The following SPTAN1 variants were observed in gnomAD, a reference collection of about 807,000 sequenced individuals.
SPTAN1 encodes spectrin alpha, non-erythrocytic 1.
A neutral mutation model predicts 331.3 loss-of-function variants in SPTAN1; 61 were observed. That is an observed-to-expected ratio of 0.18 (90% CI 0.15 to 0.23). SPTAN1 has a LOEUF of 0.23. Among genes scored for constraint, SPTAN1 ranks in the 10% least tolerant of loss-of-function variants. SPTAN1 has a pLI of 1.00. For missense variants in SPTAN1, 2,043 were observed against 3,147.9 expected (o/e 0.65, Z 8.40); for synonymous variants, 1,153 against 1,173.9 (o/e 0.98, Z 0.36).
At chr9:128,568,713 G>T (rs771016112) in intron 2 of SPTAN1, 59 bp from the exon 3 acceptor site, 2 of 1,609,830 alleles carry the variant, frequency 1.2e-6, no homozygotes, top group Non-Finnish European at 1.7e-6. Flanking sequence ...GGAACAGCGG[G>T]GACAAAATGC....
chr9:128,609,023 G>A (rs775219507), intron 35 of SPTAN1, 46 bp downstream of exon 35: 19 of 1,613,520 alleles, frequency 1.2e-5, no homozygotes, highest in Non-Finnish European at 1.6e-5. Flanking sequence ...CTGAGAGGAT[G>A]CATCCCCTCA....
chr9:128,599,781 A>G (rs1343904501), intron 26 of SPTAN1: 1 of 399,916 alleles, frequency 2.5e-6, no homozygotes, highest in Non-Finnish European at 4.5e-6. Flanking sequence ...CTTTGCAGAC[A>G]ATCTTATGAG....
rs996168535 is a variant in SPTAN1 at position 128,577,303 on chromosome 9, A to G, written c.930+30A>G. ...GTTTTACAAGCAGCTGATTCTGTAA[A>G]TAAGTTACCAAGGGTCAGGAGAATA... On this transcript the variant is annotated intron_variant, in intron 7 of 56. Coordinates refer to ENST00000372739, the MANE Select transcript of SPTAN1 (RefSeq NM_001130438.3). The surrounding 1 kb of genome is among the most constrained non-coding windows in gnomAD (Gnocchi z 4.2). 1.2e-6 allele frequency: 2 copies of G among 1,614,032 alleles called. No homozygotes were observed. Among genetic ancestry groups the G allele is most frequent in the African/African-American group, 2.7e-5 (2 of 74,932 alleles).
Position 128,600,080 on chromosome 9 carries a change from G to A in SPTAN1, c.3544G>A (p.Asp1182Asn), listed in dbSNP as rs201136631. 3 of 1,614,164 alleles carry A rather than the reference G, an allele frequency of 1.9e-6. No individual in the cohort carries two copies. The highest frequency in any genetic ancestry group is 2.2e-5 in the East Asian group (1 of 44,884). ...QQEVYGMMPR[D>N]ETDSKTASPW... ...CCTAAATTCCTCTTTCTTTGAATAGGATGAAACTGATTCCAAGACAGCCTC... is the reference window on the plus strand; with the variant it reads ...CCTAAATTCCTCTTTCTTTGAATAGAATGAAACTGATTCCAAGACAGCCTC... The change falls in exon 27 of 57, where the codon GAT becomes AAT. Residue 1182 changes from aspartate (D) to asparagine (N), a missense_variant and splice_region_variant. By Grantham distance (23) the Asp-to-Asn change is conservative (BLOSUM62 1). This residue lies in a region of SPTAN1 where 1,038 missense variants were observed against 1,531.5 expected (regional missense o/e 0.68). Coordinates refer to ENST00000372739, the MANE Select transcript of SPTAN1 (RefSeq NM_001130438.3).
At chr9:128,589,290 C>CTTTT (rs1171749676) in intron 21 of SPTAN1, among the ~76,000 whole-genome samples, 3 of 126,996 alleles carry the variant, frequency 2.4e-5, no homozygotes, top group Non-Finnish European at 4.9e-5. Flanking sequence ...TTTTTCTTTT[C>CTTTT]TTTTTTTTTT....
intron 45 of SPTAN1, among the ~76,000 whole-genome samples, chr9:128,622,476 G>C (rs977339533): frequency 6.6e-6 from 1 of 150,996 alleles, no homozygotes; most frequent in Admixed American, 6.6e-5. Flanking sequence ...ATTTTGTATT[G>C]TTAGTAGAGA....
chr9:128,624,650 T>A, intron 46 of SPTAN1, 163 bp downstream of exon 46: 1 of 912,418 alleles, frequency 1.1e-6, no homozygotes, highest in Non-Finnish European at 1.7e-6. Flanking sequence ...GAGGAGACAG[T>A]GTCCTGAGGC....
intron 44 of SPTAN1, among the ~76,000 whole-genome samples, chr9:128,619,807 C>T (rs564462555): frequency 8.3e-4 from 126 of 152,314 alleles, no homozygotes; most frequent in African/African-American, 2.9e-3. Flanking sequence ...CATAACAACC[C>T]GCCTAAATGT....
Position 128,579,671 on chromosome 9 carries a change from C to T in SPTAN1, c.1256C>T (p.Ser419Phe), listed in dbSNP as rs1851708895. The stretch of plus-strand genomic sequence containing the variant: ...GATGCCCATGAAGACAGCTTCAAAT[C>T]TGCAGATGAATCTGGACAGGCACTG... ...EIDAHEDSFK[S>F]ADESGQALLA... Residue 419 changes from serine (S) to phenylalanine (F), a missense_variant, in exon 10 of 57, where the codon TCT (serine) becomes TTT (phenylalanine). Physicochemically the swap from Ser to Phe is radical, Grantham distance 155 (BLOSUM62 -2). Coordinates refer to ENST00000372739, the MANE Select transcript of SPTAN1 (RefSeq NM_001130438.3). 8 of 1,613,984 alleles carry T rather than the reference C, an allele frequency of 5.0e-6. No individual in the cohort carries two copies. Among genetic ancestry groups the T allele is most frequent in the African/African-American group, 1.3e-5 (1 of 74,906 alleles).
At position 128,624,455 on chromosome 9, in the gene SPTAN1, A is replaced by G. The variant is rs768166158; in HGVS notation, c.5960A>G (p.Asn1987Ser). The G allele has an allele frequency of 2.5e-6, 4 of 1,613,692 alleles. No homozygotes were observed. ...LDENSAFLQF[N>S]WKADVVESWI... is the part of the protein sequence containing the mutation. ...GAGAACTCGGCCTTCCTTCAGTTCA[A>G]CTGGAAGGCGGACGTGGTGGAGTCC... The change falls in exon 46 of 57, where the codon AAC (asparagine) becomes AGC (serine). Residue 1987 changes from asparagine to serine, a missense_variant. Coordinates refer to ENST00000372739, the MANE Select transcript of SPTAN1 (RefSeq NM_001130438.3).
chr9:128,587,583 T>A (rs762702600), intron 19 of SPTAN1, 23 bp from the exon 20 acceptor site: 3 of 1,609,456 alleles, frequency 1.9e-6, no homozygotes, highest in East Asian at 4.5e-5. Context: ...TGCACAGTGC[T>A]CCATGTGTGG....
intron 15 of SPTAN1, 33 bp downstream of exon 15, chr9:128,583,314 T>C: frequency 1.9e-6 from 3 of 1,605,378 alleles, no homozygotes; most frequent in Non-Finnish European, 2.6e-6. Context: ...GTGACATGCA[T>C]GTTTGGGGAA....
chr9:128,588,744 T>C, intron 20 of SPTAN1, 65 bp from the exon 21 acceptor site: 1 of 1,607,538 alleles, frequency 6.2e-7, no homozygotes, highest in Non-Finnish European at 8.5e-7. Flanking sequence ...TTGAATCTGC[T>C]CTGTACTTAG....
intron 37 of SPTAN1, among the ~76,000 whole-genome samples, chr9:128,610,818 C>T (rs969743489): frequency 6.6e-6 from 1 of 152,066 alleles, no homozygotes; most frequent in African/African-American, 2.4e-5. Flanking sequence ...TGACAGTATC[C>T]CAGTGTTTTG....
chr9:128,589,575 CTTTTT>C (rs57225212), intron 21 of SPTAN1, among the ~76,000 whole-genome samples: 2 of 106,494 alleles, frequency 1.9e-5, no homozygotes, highest in Admixed American at 9.9e-5. Flanking sequence ...CGTGCCCGGC[CTTTTT>C]TTTTTTTTTT....
chr9:128,622,520 A>G (rs910536727), intron 45 of SPTAN1, among the ~76,000 whole-genome samples: 2 of 151,674 alleles, frequency 1.3e-5, no homozygotes, highest in African/African-American at 4.9e-5. Context: ...GCTGGTCTCG[A>G]ACTCCTGACC....
Position 128,627,980 on chromosome 9 carries a change from T to C in SPTAN1, c.6707+38T>C. The C allele has an allele frequency of 6.2e-7, 1 of 1,613,940 alleles. No individual in the cohort carries two copies. Among genetic ancestry groups the C allele is most frequent in the Non-Finnish European group, 8.5e-7 (1 of 1,179,830 alleles). On this transcript the variant is annotated intron_variant, in intron 51 of 56. Transcript: ENST00000372739. The surrounding 1 kb of genome is among the most constrained non-coding windows in gnomAD (Gnocchi z 4.9). ...TTCTTCCTTCTCTGGGCTTGTCATG[T>C]GGGGGTCTCGTGCGCTTGCCCCTCG...
intron 20 of SPTAN1, 30 bp from the exon 21 acceptor site, chr9:128,588,779 A>G (rs1853028880): frequency 1.9e-6 from 3 of 1,613,318 alleles, no homozygotes; most frequent in African/African-American, 2.7e-5. Flanking sequence ...ACGTGTTTTT[A>G]CCATGTTTGC....
At chr9:128,609,984 A>G (rs1856391055) in intron 37 of SPTAN1, among the ~76,000 whole-genome samples, 1 of 152,184 alleles carries the variant, frequency 6.6e-6, no homozygotes, top group Admixed American at 6.6e-5. Context: ...AAGATGGAAC[A>G]TCAGCTTCAG....
Sources: allele counts gnomAD v4.1 joint callset (sites outside exome capture counted in the v4.1 genomes callset), GRCh38; gene constraint gnomAD v4.1.1; regional missense constraint gnomAD v4.1.1; non-coding constraint Gnocchi (gnomAD v3.1); transcripts MANE v1.5; gene names NCBI Gene and HGNC (gene_info 2026-07-23, HGNC 2026-07-21).